Variants in PHF21A observed in about 807,000 individuals in gnomAD.
The protein encoded by PHF21A is BHC80a.
PHF21A carries 11 observed loss-of-function variants against 82.5 expected under a neutral mutation model. That is an observed-to-expected ratio of 0.13 (90% CI 0.08 to 0.22). The LOEUF is 0.22. Ranked by LOEUF, PHF21A falls within the 10% of genes least tolerant of loss-of-function variation. PHF21A has a pLI of 1.00. For missense variants in PHF21A, 579 were observed against 837.8 expected (o/e 0.69, Z 3.81); for synonymous variants, 297 against 302.8 (o/e 0.98, Z 0.20).
At chr11:45,968,171 T>C (rs911962560) in intron 9 of PHF21A, among the ~76,000 whole-genome samples, 2 of 152,256 alleles carry the variant, frequency 1.3e-5, no homozygotes, top group Non-Finnish European at 2.9e-5. Context: ...TTATTGACAA[T>C]GTCTTAACTG....
At chr11:45,952,094 C>A (rs566900868) in intron 11 of PHF21A, among the ~76,000 whole-genome samples, 1 of 152,178 alleles carries the variant, frequency 6.6e-6, no homozygotes, top group Admixed American at 6.5e-5. Context: ...CGTGAGCCAC[C>A]GCGCCCAGCC....
At chr11:46,027,472 T>C (rs1307246829) in intron 6 of PHF21A, among the ~76,000 whole-genome samples, 1 of 152,194 alleles carries the variant, frequency 6.6e-6, no homozygotes, top group Admixed American at 6.5e-5. Context: ...CACCCTGCCC[T>C]TTCTGGGATG....
intron 11 of PHF21A, among the ~76,000 whole-genome samples, chr11:45,951,523 T>C (rs1323583387): frequency 6.6e-6 from 1 of 152,250 alleles, no homozygotes; most frequent in Non-Finnish European, 1.5e-5. Context: ...TCTTGGACTT[T>C]CCTGCTTTCT....
intron 8 of PHF21A, chr11:45,970,817 G>C: frequency 3.0e-6 from 1 of 330,816 alleles, no homozygotes; most frequent in East Asian, 5.9e-5. Flanking sequence ...AAGGGAGAGG[G>C]AGACATAAAT....
At chr11:46,066,214 G>A (rs2139660958) in intron 6 of PHF21A, among the ~76,000 whole-genome samples, 1 of 152,270 alleles carries the variant, frequency 6.6e-6, no homozygotes, top group African/African-American at 2.4e-5. Context: ...AGGAGGTAGT[G>A]AACTGGGGAA....
chr11:46,038,993 G>T (rs958320175), intron 6 of PHF21A, among the ~76,000 whole-genome samples: 1 of 152,116 alleles, frequency 6.6e-6, no homozygotes, highest in African/African-American at 2.4e-5. Context: ...ACCTAAGGTG[G>T]GCACAAGTTT....
At chr11:45,982,084 G>C (rs1426296898) in intron 6 of PHF21A, among the ~76,000 whole-genome samples, 1 of 151,230 alleles carries the variant, frequency 6.6e-6, no homozygotes, top group Non-Finnish European at 1.5e-5. Context: ...AACCTACCAA[G>C]TAGCTGGGAC....
chr11:46,001,650 T>C lies in PHF21A; in HGVS notation c.154-21684A>G, dbSNP rs141357666. On this transcript the variant is annotated intron_variant, in intron 6 of 18. Transcript: ENST00000676320. ...CATGCTTACATTTTTAAAATTCCATTAGTATCTTGCCAGATTTTCAAGAGA... is the reference window on the plus strand; with the variant it reads ...CATGCTTACATTTTTAAAATTCCATCAGTATCTTGCCAGATTTTCAAGAGA... 8.5e-3 allele frequency among the ~76,000 whole-genome samples: 1,298 copies of C among 152,278 alleles called. 20 individuals are homozygous for C. Among genetic ancestry groups the C allele is most frequent in the African/African-American group, 0.029 (1,213 of 41,552 alleles).
chr11:45,933,717 G>A lies in PHF21A; in HGVS notation c.*251C>T. On this transcript the variant is annotated 3_prime_UTR_variant, in exon 19 of 19. Coordinates refer to ENST00000676320, the MANE Select transcript of PHF21A (RefSeq NM_001352027.3). ...GTAAATATATTATTTCACTTGGCAT[G>A]GTGCTGGCAAAGAACCTCCAGCTGG... The A allele has an allele frequency of 2.5e-6, 1 of 392,318 alleles. No homozygotes were observed. The highest frequency in any genetic ancestry group is 4.5e-6 in the Non-Finnish European group (1 of 222,438). The allele number at this position is 392,318 out of a possible 1,614,324, so 24.3% of individuals were successfully genotyped here.
In PHF21A at chr11:45,971,127, T is replaced by C. The variant is rs1395623971; in HGVS notation, c.601A>G (p.Thr201Ala). 6.2e-7 allele frequency: 1 copy of C among 1,614,174 alleles called. No individual in the cohort carries two copies. Among genetic ancestry groups the C allele is most frequent in the Admixed American group, 1.7e-5 (1 of 60,034 alleles). The change falls in exon 8 of 19, where the codon ACA becomes GCA. Residue 201 changes from threonine (T) to alanine (A), a missense_variant. Thr to Ala is a moderately conservative substitution (Grantham distance 58). Coordinates refer to ENST00000676320, the MANE Select transcript of PHF21A (RefSeq NM_001352027.3). ...AGCTGCTGGCTTACCAGAGTGACTG[T>C]GTTTTTTGCCACAATTTGGACAGCC... ...AEAVQIVAKN[T>A]VTLQVQATPP...
chr11:45,935,081 C>T (rs2088539422), intron 18 of PHF21A: 2 of 1,283,126 alleles, frequency 1.6e-6, no homozygotes, highest in South Asian at 1.2e-5. Flanking sequence ...AAATACAACC[C>T]TCTTTCCCAC....
chr11:45,990,655 T>C (rs1157229511), intron 6 of PHF21A, among the ~76,000 whole-genome samples: 1 of 152,102 alleles, frequency 6.6e-6, no homozygotes, highest in African/African-American at 2.4e-5. Context: ...GCAAAAGTAT[T>C]GACATGCATG....
At position 45,956,905 on chromosome 11, in the gene PHF21A, T is replaced by C. The variant is rs537815815; in HGVS notation, c.997-3280A>G. Among the ~76,000 whole-genome samples the C allele has an allele frequency of 3.3e-5, 5 of 152,274 alleles. No homozygotes were observed. In the South Asian group the frequency reaches 8.3e-4, roughly 25 times the overall value. On this transcript the variant is annotated intron_variant, in intron 10 of 18. Transcript: ENST00000676320. ...GAACAAAACACATGATCTAATGATA[T>C]GCTGTAAGAGAGACTCATTTTAGAG...
At chr11:45,950,029 A>G (rs1203060401) in intron 12 of PHF21A, among the ~76,000 whole-genome samples, 177 bp downstream of exon 12, 1 of 152,204 alleles carries the variant, frequency 6.6e-6, no homozygotes, top group Non-Finnish European at 1.5e-5. Context: ...GGATAATGAT[A>G]GGAACATTAG....
chr11:45,996,011 A>C (rs957835476), intron 6 of PHF21A, among the ~76,000 whole-genome samples: 1 of 152,054 alleles, frequency 6.6e-6, no homozygotes, highest in Non-Finnish European at 1.5e-5. Context: ...TGGTGTGATC[A>C]TAGCTCATTA....
chr11:45,945,776 T>A (rs973774788), intron 15 of PHF21A, 64 bp downstream of exon 15: 6 of 1,370,874 alleles, frequency 4.4e-6, no homozygotes, highest in Non-Finnish European at 6.0e-6. Flanking sequence ...GGAGACAACA[T>A]ATGATAACGC....
intron 9 of PHF21A, among the ~76,000 whole-genome samples, chr11:45,969,316 A>G (rs945865021): frequency 1.3e-5 from 2 of 152,224 alleles, no homozygotes; most frequent in Non-Finnish European, 2.9e-5. Flanking sequence ...GGGCCTAGGG[A>G]GAAAGTCCTC....
intron 3 of PHF21A, among the ~76,000 whole-genome samples, chr11:46,085,385 C>T (rs572441557): frequency 1.3e-5 from 2 of 152,228 alleles, no homozygotes; most frequent in East Asian, 3.9e-4. Context: ...TAATATGACA[C>T]CCAGCTTGAC....
At chr11:46,013,017 T>G (rs1006738662) in intron 6 of PHF21A, among the ~76,000 whole-genome samples, 10 of 152,192 alleles carry the variant, frequency 6.6e-5, no homozygotes, top group Non-Finnish European at 1.2e-4. Context: ...TGCTTGAAAC[T>G]GCAGATAGTA....
Sources: gnomAD v4.1 joint callset for allele counts (sites outside exome capture counted in the v4.1 genomes callset) on GRCh38, gnomAD v4.1.1 for gene constraint, MANE v1.5 for transcripts, NCBI Gene and HGNC (gene_info 2026-07-23, HGNC 2026-07-21) for gene names.